The following TRAP1 variants were observed in gnomAD, a reference collection of about 807,000 sequenced individuals.
TRAP1 encodes the protein TNF receptor associated protein 1.
A neutral mutation model predicts 89.1 loss-of-function variants in TRAP1; 102 were observed. The observed-to-expected ratio is 1.15, with a 90% confidence interval of 0.98 to 1.35. TRAP1 has a LOEUF of 1.35. Among genes scored for constraint, TRAP1 ranks in the 40% most tolerant of loss-of-function variants. The probability of loss-of-function intolerance (pLI) is 0.00; values close to 1 mark genes in which losing one functional copy is unlikely to be tolerated. For missense variants in TRAP1, 1,256 were observed against 945.3 expected, an observed-to-expected ratio of 1.33 and a Z score of -4.31; for synonymous variants, 508 against 388.0, an observed-to-expected ratio of 1.31 and a Z score of -3.64.
chr16:3,674,741 G>A, intron 8 of TRAP1: 1 of 548,096 alleles, frequency 1.8e-6, no homozygotes, highest in East Asian at 3.1e-5. Flanking sequence ...GCCGGGACCT[G>A]AGGGGGCCTG....
intron 14 of TRAP1, 74 bp downstream of exon 14, chr16:3,663,350 C>A: frequency 6.3e-7 from 1 of 1,580,404 alleles, no homozygotes; most frequent in Non-Finnish European, 8.6e-7. Flanking sequence ...CCAAAGGAAG[C>A]CCTCGCTGCG....
At chr16:3,659,012 G>T in intron 16 of TRAP1, 147 bp from the exon 17 acceptor site, 1 of 764,046 alleles carries the variant, frequency 1.3e-6, no homozygotes, top group East Asian at 2.8e-5. Context: ...ATCATTTATA[G>T]ATAATATCAT....
intron 2 of TRAP1, 73 bp downstream of exon 2, chr16:3,690,754 C>T: frequency 7.6e-7 from 1 of 1,319,636 alleles, no homozygotes; most frequent in Non-Finnish European, 9.8e-7. Context: ...ACTGCCTCCA[C>T]CCTGAAAATG....
intron 6 of TRAP1, 74 bp downstream of exon 6, chr16:3,677,420 GTCCA>G (rs1380313676): frequency 2.5e-6 from 4 of 1,577,502 alleles, no homozygotes; most frequent in Non-Finnish European, 3.5e-6. Flanking sequence ...CGTTTTCTGA[GTCCA>G]TCCCTTTCCA....
chr16:3,690,109 C>T (rs1304321200), intron 2 of TRAP1, among the ~76,000 whole-genome samples: 3 of 152,080 alleles, frequency 2.0e-5, no homozygotes, highest in African/African-American at 7.2e-5. Flanking sequence ...TGGGCTCAAC[C>T]GATTCTCCTG....
At chr16:3,711,967 A>G (rs1262233061) in intron 1 of TRAP1, among the ~76,000 whole-genome samples, 1 of 152,202 alleles carries the variant, frequency 6.6e-6, no homozygotes, top group Non-Finnish European at 1.5e-5. Context: ...TCATTTGAGT[A>G]TGAATGGATA....
chr16:3,677,037 A>G (rs2051007111), intron 6 of TRAP1: 1 of 161,464 alleles, frequency 6.2e-6, no homozygotes, highest in South Asian at 1.7e-4. Flanking sequence ...CTAGGCAACA[A>G]GAGTAAAACT....
Position 3,708,340 on chromosome 16 carries a change from A to C in TRAP1, c.88+9081T>G, listed in dbSNP as rs935661381. Among the ~76,000 whole-genome samples the C allele has an allele frequency of 7.9e-5, 12 of 152,076 alleles. No individual in the cohort carries two copies. In the East Asian group the frequency reaches 9.6e-4, roughly 12 times the overall value. ...GTCTCTACTAAAAATACAAAAAAAA[A>C]CAAAAATTAGCCAGAAAGCCAGGAG... On this transcript the variant is annotated intron_variant, in intron 1 of 17. Transcript: ENST00000246957.
At chr16:3,707,904 G>T (rs900830369) in intron 1 of TRAP1, among the ~76,000 whole-genome samples, 1 of 151,474 alleles carries the variant, frequency 6.6e-6, no homozygotes, top group African/African-American at 2.4e-5. Context: ...AAAACTGGGG[G>T]CCAGGCACGA....
chr16:3,659,253 A>T (rs576088533), intron 16 of TRAP1: 15 of 177,352 alleles, frequency 8.5e-5, no homozygotes, highest in Middle Eastern at 2.5e-3. Context: ...GGGGGAAGGC[A>T]AACAACTCCA....
intron 9 of TRAP1, among the ~76,000 whole-genome samples, chr16:3,673,031 C>T (rs1476038745): frequency 1.3e-5 from 2 of 151,946 alleles, no homozygotes; most frequent in Non-Finnish European, 2.9e-5. Context: ...GCAGCTGCCG[C>T]CCTCCCCAGC....
At chr16:3,669,135 C>G (rs984495160) in intron 11 of TRAP1, among the ~76,000 whole-genome samples, 38 of 152,314 alleles carry the variant, frequency 2.5e-4, no homozygotes, top group African/African-American at 8.7e-4. Context: ...AACTCCAGCA[C>G]CAGCAATAAT....
intron 14 of TRAP1, 29 bp from the exon 15 acceptor site, chr16:3,662,996 A>G (rs1214632911): frequency 6.4e-7 from 1 of 1,554,748 alleles, no homozygotes; most frequent in Non-Finnish European, 8.7e-7. Flanking sequence ...CAGGGAGCTC[A>G]GGCCTGCATC....
intron 11 of TRAP1, among the ~76,000 whole-genome samples, chr16:3,670,411 A>AAAAAAAAAAAAAAAAC (rs2050897453): frequency 1.4e-5 from 2 of 144,328 alleles, no homozygotes; most frequent in Admixed American, 6.9e-5. Flanking sequence ...AAAAAAAAAA[A>AAAAAAAAAAAAAAAAC]TCTAAGTGGC....
At chr16:3,713,921 G>A (rs1465453624) in intron 1 of TRAP1, among the ~76,000 whole-genome samples, 1 of 152,244 alleles carries the variant, frequency 6.6e-6, no homozygotes, top group African/African-American at 2.4e-5. Flanking sequence ...AATGCAGGAT[G>A]AGGCTCCTAC....
chr16:3,690,938 T>C lies in TRAP1; in HGVS notation c.136A>G (p.Arg46Gly). ...PRRTTAQLGP[R>G]RNPAWSLQAG... ...TGCAAGCTCCAGGCTGGGTTTCGCC[T>C]GGGGCCCAACTGGGCTGTGGTCCTC... The change falls in exon 2 of 18, where the codon AGG becomes GGG. Residue 46 changes from arginine to glycine, a missense_variant. Coordinates refer to ENST00000246957, the MANE Select transcript of TRAP1 (RefSeq NM_016292.3). The C allele has an allele frequency of 6.3e-7, 1 of 1,586,694 alleles. No homozygotes were observed. Among genetic ancestry groups the C allele is most frequent in the Non-Finnish European group, 8.6e-7 (1 of 1,167,102 alleles).
intron 12 of TRAP1, among the ~76,000 whole-genome samples, chr16:3,665,680 A>C (rs971553818): frequency 6.6e-6 from 1 of 152,098 alleles, no homozygotes; most frequent in Non-Finnish European, 1.5e-5. Flanking sequence ...CTGAGGGGAG[A>C]CAGTGTGTGC....
At position 3,664,408 on chromosome 16, in the gene TRAP1, GCCCGGAGGGCAGC is replaced by G. The variant is rs2050777539; in HGVS notation, c.1422_1434del (p.Leu475SerfsTer2). ...GCGTATTCTGAGAGGCTGGTTAGCT[GCCCGGAGGGCAGC>G]GCCGAGGACTCGTAGCGCAGCAGCT... On this transcript the variant is annotated frameshift_variant, in exon 13 of 18. Transcript: ENST00000246957. LOFTEE classifies it high-confidence loss of function. 1 of 1,611,612 alleles carries G rather than the reference GCCCGGAGGGCAGC, an allele frequency of 6.2e-7. No individual in the cohort carries two copies. The highest frequency in any genetic ancestry group is 1.1e-5 in the South Asian group (1 of 90,734).
intron 11 of TRAP1, among the ~76,000 whole-genome samples, chr16:3,666,827 A>C (rs949972184): frequency 6.6e-6 from 1 of 152,236 alleles, no homozygotes; most frequent in African/African-American, 2.4e-5. Flanking sequence ...GGATCAGGAT[A>C]TTTACTGCAG....
Sources: allele counts gnomAD v4.1 joint callset (sites outside exome capture counted in the v4.1 genomes callset), GRCh38; gene constraint gnomAD v4.1.1; transcripts MANE v1.5; gene names NCBI Gene and HGNC (gene_info 2026-07-23, HGNC 2026-07-21).